Variants in VWDE observed in about 807,000 individuals in gnomAD.
VWDE encodes the protein von Willebrand factor D and EGF domain-containing protein.
A neutral mutation model predicts 178.4 loss-of-function variants in VWDE; 207 were observed. The ratio of observed to expected loss-of-function variants is 1.16; its 90% CI spans 1.04 to 1.30. VWDE has a LOEUF of 1.30. Among genes scored for constraint, VWDE ranks in the 50% most tolerant of loss-of-function variants. The pLI is 0.00. For missense variants in VWDE, 2,287 were observed against 1,901.3 expected (o/e 1.20, Z -3.77); for synonymous variants, 738 against 651.4 (o/e 1.13, Z -2.02).
Position 12,401,774 on chromosome 7 carries a change from G to C in VWDE, c.58+1885C>G, listed in dbSNP as rs113412358. Among the ~76,000 whole-genome samples, 515 of 152,096 alleles carry C rather than the reference G, an allele frequency of 3.4e-3. 4 individuals are homozygous for C. The highest frequency in any genetic ancestry group is 0.012 in the African/African-American group (494 of 41,504). ...AATCACAGAGTTACCCTATGACCCG[G>C]TATTTCCACTCCTAGGCATATATCT... is the stretch of plus-strand genomic sequence containing the variant. On this transcript the variant is annotated intron_variant, in intron 1 of 28. Coordinates refer to ENST00000275358, the MANE Select transcript of VWDE (RefSeq NM_001135924.3).
chr7:12,352,079 T>G (rs535767546), intron 18 of VWDE, among the ~76,000 whole-genome samples: 3 of 152,178 alleles, frequency 2.0e-5, no homozygotes, highest in Non-Finnish European at 4.4e-5. Context: ...ATAGCCAGTC[T>G]GCAAACCAGA....
chr7:12,377,254 T>G (rs758870162), intron 7 of VWDE, among the ~76,000 whole-genome samples: 22 of 152,086 alleles, frequency 1.4e-4, no homozygotes, highest in Admixed American at 3.3e-4. Flanking sequence ...ATCCATATAA[T>G]CAGTAATTGA....
chr7:12,400,713 T>C (rs1300017956), intron 1 of VWDE, among the ~76,000 whole-genome samples: 1 of 152,060 alleles, frequency 6.6e-6, no homozygotes, highest in Non-Finnish European at 1.5e-5. Context: ...CCCGGTATTA[T>C]AGCCCATTAT....
chr7:12,363,252 G>C (rs1782680130), intron 13 of VWDE, among the ~76,000 whole-genome samples: 1 of 152,028 alleles, frequency 6.6e-6, no homozygotes, highest in African/African-American at 2.4e-5. Context: ...CTGCTATTTG[G>C]ACACTGGGAG....
intron 17 of VWDE, 94 bp downstream of exon 17, chr7:12,357,171 T>A (rs2128552112): frequency 7.0e-7 from 1 of 1,434,898 alleles, no homozygotes; most frequent in East Asian, 2.5e-5. Flanking sequence ...TTGTTGCTCT[T>A]TACAACTAGC....
chr7:12,339,089 A>G (rs1781190478), intron 24 of VWDE, among the ~76,000 whole-genome samples: 1 of 151,298 alleles, frequency 6.6e-6, no homozygotes, highest in South Asian at 2.1e-4. Context: ...TGGAGCCTTC[A>G]AGTAAATACC....
chr7:12,354,180 A>C (rs1222592040), intron 18 of VWDE: 1 of 261,114 alleles, frequency 3.8e-6, no homozygotes, highest in African/African-American at 2.3e-5. Context: ...CTACCTATTA[A>C]GTCAGAAAAC....
In VWDE at chr7:12,340,495, G is replaced by A. The variant is rs1037352769; in HGVS notation, c.4271-78C>T. On this transcript the variant is annotated intron_variant, in intron 23 of 28. Transcript: ENST00000275358. Reference sequence around the variant, plus strand: ...TGAAAGCTGCACAGAAGTGCAAAATGGTGCATAATGAAATATTTTATTTTT... The same window carrying A: ...TGAAAGCTGCACAGAAGTGCAAAATAGTGCATAATGAAATATTTTATTTTT... 3 of 967,822 alleles carry A rather than the reference G, an allele frequency of 3.1e-6. No homozygotes were observed. In the African/African-American group the frequency reaches 5.0e-5, roughly 16 times the overall value. 60.0% of individuals were successfully genotyped at this position (967,822 alleles called of 1,614,324 possible).
chr7:12,395,622 C>T (rs1041857021), intron 1 of VWDE, among the ~76,000 whole-genome samples: 1 of 151,828 alleles, frequency 6.6e-6, no homozygotes, highest in Admixed American at 6.6e-5. Context: ...TACTTTTACT[C>T]AATATTTATC....
rs762671304 is a variant in VWDE, at chr7:12,389,169, A to G, written c.433T>C (p.Leu145=). 1 of 1,552,052 alleles carries G rather than the reference A, an allele frequency of 6.4e-7. No homozygotes were observed. Among genetic ancestry groups the G allele is most frequent in the South Asian group, 1.2e-5 (1 of 84,062 alleles). The change falls in exon 3 of 29, where the codon TTA becomes CTA. Residue 145 remains leucine (L), a synonymous_variant. Transcript: ENST00000275358. ...VRNCGNFSVY[L]LQPTQGCMGY... ...ATACATCCCTGAGTTGGTTGTAGTAAGTATACAGAAAAGTTCCCACAGTTT... is the reference window on the plus strand; with the variant it reads ...ATACATCCCTGAGTTGGTTGTAGTAGGTATACAGAAAAGTTCCCACAGTTT...
chr7:12,400,209 T>A (rs976277726), intron 1 of VWDE, among the ~76,000 whole-genome samples: 1 of 151,760 alleles, frequency 6.6e-6, no homozygotes, highest in African/African-American at 2.4e-5. Flanking sequence ...AGGAAGGAAA[T>A]TTTAAAGATT....
Position 12,370,001 on chromosome 7 carries a change from G to T in VWDE, c.2305C>A (p.Gln769Lys), listed in dbSNP as rs1458150283. The change falls in exon 12 of 29, where the codon CAA becomes AAA. Residue 769 changes from glutamine to lysine, a missense_variant. Gln to Lys is a moderately conservative substitution (Grantham distance 53). Transcript: ENST00000275358. ...PPLFAFPSLSQTDLEELTYFF... is the reference protein window; with the variant it reads ...PPLFAFPSLSKTDLEELTYFF... ...TAAGTAAGTTCTTCCAGATCCGTTTGGCTGAGACTCGGGAAAGCAAACAAA... is the reference window on the plus strand; with the variant it reads ...TAAGTAAGTTCTTCCAGATCCGTTTTGCTGAGACTCGGGAAAGCAAACAAA... 9.7e-6 allele frequency: 15 copies of T among 1,551,368 alleles called. No individual in the cohort carries two copies. Among genetic ancestry groups the T allele is most frequent in the Non-Finnish European group, 1.3e-5 (15 of 1,146,894 alleles).
At chr7:12,388,953 G>C in intron 3 of VWDE, 174 bp downstream of exon 3, 1 of 719,616 alleles carries the variant, frequency 1.4e-6, no homozygotes, top group Non-Finnish European at 2.6e-6. Flanking sequence ...TCTTGGCAAA[G>C]AACCCTAAAG....
Position 12,336,384 on chromosome 7 carries a change from A to G in VWDE, c.4559-148T>C, listed in dbSNP as rs1781032238. 2 of 658,460 alleles carry G rather than the reference A, an allele frequency of 3.0e-6. 1 individual carries two copies. Among genetic ancestry groups the G allele is most frequent in the Middle Eastern group, 8.6e-4 (2 of 2,330 alleles). 40.8% of individuals were successfully genotyped at this position (658,460 alleles called of 1,614,324 possible). ...TTTTCCCTAATATTTTATCAAGAAC[A>G]TTTTTGAATGTCACTACATATTCTT... On this transcript the variant is annotated intron_variant, in intron 26 of 28. Transcript: ENST00000275358.
At chr7:12,332,784 A>T (rs2356169) in intron 28 of VWDE, among the ~76,000 whole-genome samples, 2 of 151,930 alleles carry the variant, frequency 1.3e-5, no homozygotes, top group Non-Finnish European at 2.9e-5. Flanking sequence ...CTCCAAGCCA[A>T]ATTGATCCAT....
chr7:12,390,430 C>G (rs1464521464), intron 2 of VWDE, among the ~76,000 whole-genome samples: 1 of 151,858 alleles, frequency 6.6e-6, no homozygotes, highest in Non-Finnish European at 1.5e-5. Flanking sequence ...GTATATAATG[C>G]AACTTCTACA....
chr7:12,398,068 C>T (rs911240910), intron 1 of VWDE, among the ~76,000 whole-genome samples: 5 of 152,080 alleles, frequency 3.3e-5, no homozygotes, highest in Non-Finnish European at 7.4e-5. Context: ...GGTATATACC[C>T]AGGGAAAATG....
chr7:12,356,241 GAC>G lies in VWDE; in HGVS notation c.3613_3614del (p.Val1205LeufsTer11). Reference protein sequence around the residue: ...FSPGSGVYLCVCLPGFHGSLC... With the variant: ...FSPGSGVYLCXCLPGFHGSLC... ...GGCTGCCATGGAAGCCAGGCAAGCA[GAC>G]ACACAGGTACACTCCACTCCCTGGA... On this transcript the variant is annotated frameshift_variant, in exon 18 of 29. Transcript: ENST00000275358. LOFTEE classifies it high-confidence loss of function. 2 of 1,551,430 alleles carry G rather than the reference GAC, an allele frequency of 1.3e-6. No individual in the cohort carries two copies. The highest frequency in any genetic ancestry group is 1.7e-6 in the Non-Finnish European group (2 of 1,146,952).
At chr7:12,342,789 G>A (rs956724672) in intron 22 of VWDE, among the ~76,000 whole-genome samples, 9 of 151,520 alleles carry the variant, frequency 5.9e-5, no homozygotes, top group Non-Finnish European at 5.9e-5. Flanking sequence ...CCATCAACTC[G>A]TCATTTAGCA....
Sources: gnomAD v4.1 joint callset for allele counts (sites outside exome capture counted in the v4.1 genomes callset) on GRCh38, gnomAD v4.1.1 for gene constraint, MANE v1.5 for transcripts, NCBI Gene and HGNC (gene_info 2026-07-23, HGNC 2026-07-21) for gene names.